The following PRSS23 variants were observed in gnomAD, a reference collection of about 807,000 sequenced individuals.
PRSS23 encodes the protein serine protease 23.
In PRSS23, 25 loss-of-function variants were observed where a neutral mutation model predicts 34.7. That is an observed-to-expected ratio of 0.72 (90% CI 0.53 to 1.01). The LOEUF (loss-of-function observed/expected upper bound fraction) is 1.01, where lower values mean the gene tolerates loss of function less well. Ranked by LOEUF, PRSS23 falls within the 50% of genes least tolerant of loss-of-function variation. PRSS23 has a pLI of 0.00. For synonymous variants in PRSS23, 176 were observed against 186.6 expected (o/e 0.94, Z 0.46); for missense variants, 445 against 475.6 (o/e 0.94, Z 0.60).
chr11:86,907,806 A>G (rs1169434870), intron 2 of PRSS23, among the ~76,000 whole-genome samples: 1 of 152,216 alleles, frequency 6.6e-6, no homozygotes, highest in African/African-American at 2.4e-5. Flanking sequence ...CTGTAAGTGC[A>G]ATGTTGTAGA....
chr11:86,863,545 A>T (rs1225240225), intron 2 of PRSS23, among the ~76,000 whole-genome samples: 1 of 152,194 alleles, frequency 6.6e-6, no homozygotes, highest in Non-Finnish European at 1.5e-5. Flanking sequence ...GAGAACCTTT[A>T]GGGAGATTTG....
rs1949009764 is a variant in PRSS23 at position 86,915,902 on chromosome 11, A to G, written c.207-35314A>G. ...CCTGTCTCTACTAAAAAAATACAAA[A>G]AAGTTAGCCAGGCATGGTGGCACAC... is the stretch of plus-strand genomic sequence containing the variant. On this transcript the variant is annotated intron_variant, in intron 2 of 2. Coordinates refer to the PRSS23 transcript ENST00000533902. Among the ~76,000 whole-genome samples, 2 of 151,998 alleles carry G rather than the reference A, an allele frequency of 1.3e-5. 1 individual carries two copies. The highest frequency in any genetic ancestry group is 4.2e-4 in the South Asian group (2 of 4,816).
Position 86,808,887 on chromosome 11 carries a change from T to A in PRSS23, c.*92T>A. ...TTTTTGTCATTGGCGTGCACACGTG[T>A]GTGTGTGTGTGTGTGTGTGTGTAAG... On this transcript the variant is annotated 3_prime_UTR_variant, in exon 2 of 2. Coordinates refer to ENST00000280258, the MANE Select transcript of PRSS23 (RefSeq NM_007173.6). The A allele has an allele frequency of 1.5e-6, 1 of 681,196 alleles. No homozygotes were observed. The highest frequency in any genetic ancestry group is 2.4e-6 in the Non-Finnish European group (1 of 424,286). The allele number at this position is 681,196 out of a possible 1,614,324, so 42.2% of individuals were successfully genotyped here. A position where few individuals can be genotyped will look rare whatever the true frequency, so the allele number is the denominator to read the frequency against.
In PRSS23 at chr11:86,807,937, G is replaced by T; in HGVS notation, c.294G>T (p.Glu98Asp). The T allele has an allele frequency of 6.2e-7, 1 of 1,614,182 alleles. No homozygotes were observed. Among genetic ancestry groups the T allele is most frequent in the Non-Finnish European group, 8.5e-7 (1 of 1,180,050 alleles). ...TCTATGCCAATGGCAGCCGCACAGA[G>T]ACGCAGGTGGGCATCTACATCCTCA... ...ETLYANGSRT[E>D]TQVGIYILSS... is the part of the protein sequence containing the mutation. Residue 98 changes from glutamate to aspartate, a missense_variant, in exon 2 of 2, where the codon GAG (glutamate) becomes GAT (aspartate). By Grantham distance (45) the Glu-to-Asp change is conservative (BLOSUM62 2). Coordinates refer to ENST00000280258, the MANE Select transcript of PRSS23 (RefSeq NM_007173.6).
chr11:86,861,001 G>C (rs1161022260), intron 2 of PRSS23, among the ~76,000 whole-genome samples: 1 of 149,938 alleles, frequency 6.7e-6, no homozygotes, highest in Non-Finnish European at 1.5e-5. Context: ...ATATCCACCG[G>C]GGGTGAGAAT....
intron 2 of PRSS23, among the ~76,000 whole-genome samples, chr11:86,830,080 C>G (rs1948338898): frequency 6.6e-6 from 1 of 152,150 alleles, no homozygotes; most frequent in African/African-American, 2.4e-5. Flanking sequence ...TTTGTCTGTG[C>G]CCTGCCCCCA....
intron 2 of PRSS23, among the ~76,000 whole-genome samples, chr11:86,860,187 T>C (rs748626838): frequency 6.6e-6 from 1 of 151,886 alleles, no homozygotes; most frequent in African/African-American, 2.4e-5. Flanking sequence ...GAGAGGAAGA[T>C]ATTACTCCAA....
intron 1 of PRSS23, among the ~76,000 whole-genome samples, chr11:86,804,804 A>G (rs1050904942): frequency 6.6e-6 from 1 of 152,168 alleles, no homozygotes; most frequent in African/African-American, 2.4e-5. Context: ...CTATATTGAG[A>G]GGTTGGAGTA....
At chr11:86,867,874 C>CAAGAAAAAAAAAAAAA (rs1948660314) in intron 2 of PRSS23, among the ~76,000 whole-genome samples, 1 of 118,334 alleles carries the variant, frequency 8.5e-6, no homozygotes, top group African/African-American at 3.5e-5. Flanking sequence ...GACCCTACCT[C>CAAGAAAAAAAAAAAAA]AAAAAAAAAA....
chr11:86,915,764 A>G (rs758383856), intron 2 of PRSS23, among the ~76,000 whole-genome samples: 28 of 152,098 alleles, frequency 1.8e-4, no homozygotes, highest in Middle Eastern at 3.2e-3. Flanking sequence ...AAAGAGCATA[A>G]TGGGTCAGGT....
At chr11:86,796,078 A>G (rs1947978598), upstream of PRSS23, among the ~76,000 whole-genome samples, 1 of 152,218 alleles carries the variant, frequency 6.6e-6, no homozygotes, top group South Asian at 2.1e-4. Context: ...CATAACTGGA[A>G]CAAAAGCAAG....
At position 86,874,304 on chromosome 11, in the gene PRSS23, C is replaced by T. The variant is rs531449329; in HGVS notation, c.206+50711C>T. Among the ~76,000 whole-genome samples, 5 of 152,242 alleles carry T rather than the reference C, an allele frequency of 3.3e-5. No individual in the cohort carries two copies. In the South Asian group the frequency reaches 1.0e-3, roughly 32 times the overall value. On this transcript the variant is annotated intron_variant, in intron 2 of 2. Coordinates refer to the PRSS23 transcript ENST00000533902. ...CTGGGAGCAACTTGTGTAGGGTTGC[C>T]AGATTACATATAGGACACGCAGTTA...
At position 86,809,038 on chromosome 11, in the gene PRSS23, TAAAAA is replaced by T. The variant is rs201486686; in HGVS notation, c.*247_*251del. 1 of 385,096 alleles carries T rather than the reference TAAAAA, an allele frequency of 2.6e-6. No individual in the cohort carries two copies. Among genetic ancestry groups the T allele is most frequent in the Non-Finnish European group, 4.8e-6 (1 of 208,342 alleles). The allele number at this position is 385,096 out of a possible 1,614,324, so 23.9% of individuals were successfully genotyped here. ...TTGAAGGCATACTTTTGCATAGAAATAAAAAAAATACTGATTTGGGGCAATGAGGA... is the reference window on the plus strand; with the variant it reads ...TTGAAGGCATACTTTTGCATAGAAATAAATACTGATTTGGGGCAATGAGGA... On this transcript the variant is annotated 3_prime_UTR_variant, in exon 2 of 2. Transcript: ENST00000280258.
intron 2 of PRSS23, among the ~76,000 whole-genome samples, chr11:86,845,260 T>A (rs1173826762): frequency 6.6e-6 from 1 of 152,302 alleles, no homozygotes; most frequent in Middle Eastern, 3.4e-3. Flanking sequence ...GAAACTCACT[T>A]GTTCCTCTCA....
At chr11:86,855,503 C>CGT (rs372073135) in intron 2 of PRSS23, among the ~76,000 whole-genome samples, 3 of 151,608 alleles carry the variant, frequency 2.0e-5, no homozygotes, top group Non-Finnish European at 2.9e-5. Flanking sequence ...GATTTCTTTG[C>CGT]GTGTGTGTGT....
chr11:86,824,570 C>T (rs186542866), intron 2 of PRSS23, among the ~76,000 whole-genome samples: 28,265 of 149,338 alleles, frequency 0.19, 2,995 homozygotes, highest in East Asian at 0.46. Context: ...TGCTGGTGTG[C>T]TGCACCCATT....
intron 2 of PRSS23, among the ~76,000 whole-genome samples, chr11:86,835,002 A>G (rs1011977732): frequency 1.3e-5 from 2 of 152,188 alleles, no homozygotes; most frequent in Non-Finnish European, 2.9e-5. Flanking sequence ...GAACCTCTAA[A>G]TGGTCCCCTC....
intron 2 of PRSS23, among the ~76,000 whole-genome samples, chr11:86,883,529 A>G (rs990019050): frequency 1.3e-5 from 2 of 152,204 alleles, no homozygotes; most frequent in African/African-American, 2.4e-5. Context: ...AAAACCCCAA[A>G]CTATAAAAAC....
intron 2 of PRSS23, among the ~76,000 whole-genome samples, chr11:86,879,325 A>T (rs1393296284): frequency 1.4e-5 from 2 of 146,390 alleles, no homozygotes; most frequent in African/African-American, 2.6e-5. Context: ...CCGTCTGAGA[A>T]GTGAGGAGAC....
Sources: gnomAD v4.1 joint callset for allele counts (sites outside exome capture counted in the v4.1 genomes callset) on GRCh38, gnomAD v4.1.1 for gene constraint, MANE v1.5 for transcripts, NCBI Gene and HGNC (gene_info 2026-07-23, HGNC 2026-07-21) for gene names.